OR56A3: variants seen among roughly 807,000 people sequenced by gnomAD.
The protein encoded by OR56A3 is olfactory receptor family 56 subfamily A member 3.
OR56A3 carries 23 observed loss-of-function variants against 17.5 expected under a neutral mutation model. That is an observed-to-expected ratio of 1.32 (90% CI 0.95 to 1.87). The LOEUF is 1.87. Ranked by LOEUF, OR56A3 falls within the 40% of genes most tolerant of loss-of-function variation. OR56A3 has a pLI of 0.00. For missense variants in OR56A3, 366 were observed against 380.1 expected (o/e 0.96, Z 0.31); for synonymous variants, 175 against 150.6 (o/e 1.16, Z -1.19).
chr11:6,014,769 A>T, the OR56A3 span, among the ~76,000 whole-genome samples: 1 of 152,082 alleles, frequency 6.6e-6, no homozygotes, highest in South Asian at 2.1e-4. Context: ...ATGGATAATG[A>T]AGTCCAGGCT....
the OR56A3 span, chr11:6,000,017 AC>A: frequency 1.3e-5 from 2 of 152,234 alleles, no homozygotes; most frequent in Non-Finnish European, 2.9e-5. Context: ...TGTTGGTGGC[AC>A]TGTAAACTAG....
chr11:5,972,894 G>A, the OR56A3 span, among the ~76,000 whole-genome samples: 1 of 152,168 alleles, frequency 6.6e-6, no homozygotes, highest in African/African-American at 2.4e-5. Context: ...ACCGTGCCCG[G>A]CAGGGAACAG....
chr11:6,019,832 G>A, the OR56A3 span: 1 of 152,114 alleles, frequency 6.6e-6, no homozygotes, highest in African/African-American at 2.4e-5. Flanking sequence ...TTTAGGCACA[G>A]TATTCAATTC....
chr11:6,005,486 T>C, the OR56A3 span, among the ~76,000 whole-genome samples: 1 of 152,218 alleles, frequency 6.6e-6, no homozygotes, highest in African/African-American at 2.4e-5. Context: ...CTTAGAAGTC[T>C]GTCTGATGGT....
At chr11:6,000,610 T>C in the OR56A3 span, 1 of 151,746 alleles carries the variant, frequency 6.6e-6, no homozygotes, top group South Asian at 2.1e-4. Context: ...ACTTAAAACA[T>C]AATAAAAAAA....
At chr11:6,003,495 T>A in the OR56A3 span, among the ~76,000 whole-genome samples, 6 of 152,176 alleles carry the variant, frequency 3.9e-5, no homozygotes, top group African/African-American at 7.2e-5. Context: ...CAGCTTTGGG[T>A]TGGTTCCCAG....
the OR56A3 span, among the ~76,000 whole-genome samples, chr11:6,007,795 G>A: frequency 6.6e-6 from 1 of 152,286 alleles, no homozygotes; most frequent in East Asian, 1.9e-4. Flanking sequence ...CCAATGAAAG[G>A]AGCATGGACC....
the OR56A3 span, among the ~76,000 whole-genome samples, chr11:6,010,505 T>C: frequency 6.6e-6 from 1 of 152,208 alleles, no homozygotes; most frequent in Non-Finnish European, 1.5e-5. Flanking sequence ...TTGCCTCCTT[T>C]TGCAGTTTCA....
the OR56A3 span, among the ~76,000 whole-genome samples, chr11:6,008,121 C>T: frequency 6.6e-5 from 10 of 152,150 alleles, no homozygotes; most frequent in Admixed American, 4.6e-4. Flanking sequence ...TATAGGCTCT[C>T]CTGAAGAATA....
At chr11:5,945,458 T>C (rs1325215916) in intron 2 of OR56A3, among the ~76,000 whole-genome samples, 1 of 151,802 alleles carries the variant, frequency 6.6e-6, no homozygotes, top group African/African-American at 2.4e-5. Context: ...GGCGTGTGCC[T>C]GTAATCCCAG....
chr11:5,958,640 C>A, the OR56A3 span, among the ~76,000 whole-genome samples: 1 of 151,968 alleles, frequency 6.6e-6, no homozygotes, highest in South Asian at 2.1e-4. Flanking sequence ...TATGGCATGA[C>A]CTCCACTCTC....
the OR56A3 span, among the ~76,000 whole-genome samples, chr11:5,978,535 G>A: frequency 2.0e-5 from 3 of 151,898 alleles, no homozygotes; most frequent in Admixed American, 2.0e-4. Flanking sequence ...GTGTGTATAG[G>A]AATAGTACTG....
At position 5,942,301 on chromosome 11, in the gene OR56A3, T is replaced by C. The variant is rs1172418557; in HGVS notation, c.-387T>C. 2 of 152,224 alleles carry C rather than the reference T, an allele frequency of 1.3e-5. No individual in the cohort carries two copies. Among genetic ancestry groups the C allele is most frequent in the African/African-American group, 2.4e-5 (1 of 41,470 alleles). 9.4% of individuals were successfully genotyped at this position (152,224 alleles called of 1,614,324 possible). A position where few individuals can be genotyped will look rare whatever the true frequency, so the allele number is the denominator to read the frequency against. ...CTCTGTCTTCAGTCCCTATCTGTGC[T>C]CTTTTCCATTCCTGCGTCAATACTG... On this transcript the variant is annotated 5_prime_UTR_variant, in exon 1 of 3. Transcript: ENST00000641160.
the OR56A3 span, among the ~76,000 whole-genome samples, chr11:5,984,554 G>T: frequency 6.6e-6 from 1 of 152,174 alleles, no homozygotes; most frequent in Non-Finnish European, 1.5e-5. Flanking sequence ...TACAATAGAT[G>T]TAATACATCA....
the OR56A3 span, chr11:6,001,364 C>T: frequency 1.3e-5 from 2 of 152,390 alleles, no homozygotes; most frequent in African/African-American, 2.4e-5. Context: ...AATCCTAAAA[C>T]TTTATCAACC....
the OR56A3 span, chr11:5,967,553 T>C: frequency 1.3e-6 from 2 of 1,549,766 alleles, no homozygotes; most frequent in African/African-American, 1.4e-5. Context: ...ATTTTATTTT[T>C]TACAACCTCC....
chr11:5,960,452 G>A, the OR56A3 span, among the ~76,000 whole-genome samples: 7 of 152,226 alleles, frequency 4.6e-5, no homozygotes, highest in Non-Finnish European at 1.0e-4. Flanking sequence ...GTGGAGACCG[G>A]GTTTCGCCCT....
chr11:5,984,893 A>T, the OR56A3 span, among the ~76,000 whole-genome samples: 1 of 152,364 alleles, frequency 6.6e-6, no homozygotes, highest in East Asian at 1.9e-4. Flanking sequence ...CCATGACTAA[A>T]CAAAATGTGT....
At chr11:5,946,617 G>A (rs1007507924) in intron 2 of OR56A3, among the ~76,000 whole-genome samples, 3 of 152,154 alleles carry the variant, frequency 2.0e-5, no homozygotes, top group Non-Finnish European at 2.9e-5. Flanking sequence ...ATGTGGAAGT[G>A]CCCACTCTCC....
Sources: allele counts gnomAD v4.1 joint callset (sites outside exome capture counted in the v4.1 genomes callset), GRCh38; gene constraint gnomAD v4.1.1; transcripts MANE v1.5; gene names NCBI Gene and HGNC (gene_info 2026-07-23, HGNC 2026-07-21).